Variants in KNDC1 observed in about 807,000 individuals in gnomAD.
KNDC1 encodes the protein kinase non-catalytic C-lobe domain containing 1, also known as kinase non-catalytic C-lobe domain-containing protein 1.
A neutral mutation model predicts 172.8 loss-of-function variants in KNDC1; 106 were observed. The ratio of observed to expected loss-of-function variants is 0.61; its 90% CI spans 0.52 to 0.72. The LOEUF is 0.72. Ranked by LOEUF, KNDC1 falls within the 30% of genes least tolerant of loss-of-function variation. KNDC1 has a pLI of 0.00. For missense variants in KNDC1, 2,325 were observed against 2,394.5 expected, an observed-to-expected ratio of 0.97 and a Z score of 0.61; for synonymous variants, 1,083 against 1,062.2, an observed-to-expected ratio of 1.02 and a Z score of -0.38.
chr10:133,188,182 C>T (rs1174259984), intron 6 of KNDC1, among the ~76,000 whole-genome samples: 1 of 152,212 alleles, frequency 6.6e-6, no homozygotes, highest in Non-Finnish European at 1.5e-5. Flanking sequence ...CTGCTGGGAA[C>T]ATGGGTGTGC....
At chr10:133,223,690 T>C (rs1230598509) in intron 29 of KNDC1, among the ~76,000 whole-genome samples, 1 of 103,676 alleles carries the variant, frequency 9.6e-6, no homozygotes, top group Non-Finnish European at 1.9e-5. Context: ...GGCATGTGTG[T>C]GTGTGAGAGC....
intron 23 of KNDC1, 111 bp from the exon 24 acceptor site, chr10:133,212,605 G>A: frequency 1.2e-6 from 1 of 856,888 alleles, no homozygotes; most frequent in Non-Finnish European, 1.8e-6. Flanking sequence ...AGTCTGAGGA[G>A]TACTGGGCTT....
chr10:133,216,303 T>C (rs4838673), intron 26 of KNDC1, among the ~76,000 whole-genome samples: 150,362 of 151,890 alleles, frequency 0.99, 74,433 homozygotes, highest in East Asian at 1. Flanking sequence ...GACAATGTCT[T>C]GGTGGCACCG....
In KNDC1 at chr10:133,189,122, A is replaced by C. The variant is rs369952851; in HGVS notation, c.1441+469A>C. Among the ~76,000 whole-genome samples the C allele has an allele frequency of 2.0e-5, 3 of 152,174 alleles. No individual in the cohort carries two copies. In the South Asian group the frequency reaches 6.2e-4, roughly 32 times the overall value. ...TGCCCCGTCAAAGCCTAGCCCTGCC[A>C]GACATCAGGGCAGACGGACGGTGCA... On this transcript the variant is annotated intron_variant, in intron 7 of 29. Coordinates refer to ENST00000304613, the MANE Select transcript of KNDC1 (RefSeq NM_152643.8).
chr10:133,200,284 AGACGTGTGGGCCTGTG>A, intron 15 of KNDC1, 75 bp from the exon 16 acceptor site: 1 of 950,616 alleles, frequency 1.1e-6, no homozygotes, highest in Non-Finnish European at 1.5e-6. Context: ...AGCTCCGCAT[AGACGTGTGGGCCTGTG>A]GGCCCCGCCC....
rs752122025 is a variant in KNDC1, at chr10:133,198,716, G to A, written c.2208G>A (p.Pro736=). 1.1e-5 allele frequency: 17 copies of A among 1,575,876 alleles called. No homozygotes were observed. The highest frequency in any genetic ancestry group is 3.5e-5 in the South Asian group (3 of 86,638). ...CGCCTGACGGGCCGGTGCCTGGTCC[G>A]GGGCCACAGGGAGCAGCCCCAGAGC... The part of the protein sequence containing the change: ...LKTPDGPVPG[P]GPQGAAPEPL... Residue 736 remains proline (P), a synonymous_variant, in exon 14 of 30, where the codon CCG becomes CCA. Transcript: ENST00000304613.
rs1853058975 is a variant in KNDC1 at position 133,163,864 on chromosome 10, G to A, written c.102+3295G>A. On this transcript the variant is annotated intron_variant, in intron 1 of 29. Coordinates refer to ENST00000304613, the MANE Select transcript of KNDC1 (RefSeq NM_152643.8). This position sits in a 1 kb window ranked among gnomAD's most constrained non-coding sequence, Gnocchi z 4.4. ...CCTGGAGAGCAGCCCAGTCCCGGGG[G>A]TTCATGTCCACCTGCCTTCCCAAAT... 6.6e-6 allele frequency among the ~76,000 whole-genome samples: 1 copy of A among 151,996 alleles called. No homozygotes were observed. Among genetic ancestry groups the A allele is most frequent in the Non-Finnish European group, 1.5e-5 (1 of 67,996 alleles).
intron 3 of KNDC1, among the ~76,000 whole-genome samples, chr10:133,176,221 G>A (rs756363547): frequency 6.6e-6 from 1 of 151,822 alleles, no homozygotes; most frequent in Non-Finnish European, 1.5e-5. Context: ...GTTGATAGAT[G>A]GGTGGATATG....
intron 7 of KNDC1, among the ~76,000 whole-genome samples, chr10:133,189,299 G>A (rs564025800): frequency 5.9e-5 from 9 of 152,156 alleles, no homozygotes; most frequent in East Asian, 1.9e-4. Context: ...CCTGTGACAC[G>A]GGGGCTTCAA....
chr10:133,186,007 C>G lies in KNDC1; in HGVS notation c.659C>G (p.Ala220Gly), dbSNP rs1240405134. The change falls in exon 6 of 30, where the codon GCC becomes GGC. Residue 220 changes from alanine (A) to glycine (G), a missense_variant. Ala to Gly is a moderately conservative substitution (Grantham distance 60). Transcript: ENST00000304613. ...VSESSWRERP[A>G]PGNAGPRRPP... ...GAGAGCAGCTGGCGGGAGAGACCTG[C>G]CCCAGGAAACGCTGGGCCCAGGAGG... The G allele has an allele frequency of 3.9e-6, 6 of 1,556,552 alleles. No individual in the cohort carries two copies. In the African/African-American group the frequency reaches 6.9e-5, roughly 18 times the overall value.
At position 133,178,354 on chromosome 10, in the gene KNDC1, G is replaced by A. The variant is rs577323112; in HGVS notation, c.361-4990G>A. Among the ~76,000 whole-genome samples, 6 of 152,262 alleles carry A rather than the reference G, an allele frequency of 3.9e-5. No individual in the cohort carries two copies. In the South Asian group the frequency reaches 1.0e-3, roughly 26 times the overall value. ...TGGATAGTGCTTTTTATTTTTTAAT[G>A]TTCATGACAAAACATTTTAAACATA... On this transcript the variant is annotated intron_variant, in intron 3 of 29. Coordinates refer to ENST00000304613, the MANE Select transcript of KNDC1 (RefSeq NM_152643.8).
rs1853250252 is a variant in KNDC1 at position 133,168,318 on chromosome 10, T to C, written c.360+6T>C. ...TGACCGGGAACACCTTTGAGGTAAG[T>C]GCAGGTGGGGGTAATGTGCCACACC... On this transcript the variant is annotated splice_donor_region_variant and intron_variant, in intron 3 of 29. Transcript: ENST00000304613. The C allele has an allele frequency of 3.1e-6, 5 of 1,613,776 alleles. No individual in the cohort carries two copies. The highest frequency in any genetic ancestry group is 1.3e-5 in the African/African-American group (1 of 74,940).
rs373740504 is a variant in KNDC1 at position 133,186,086 on chromosome 10, G to A, written c.738G>A (p.Pro246=). 282 of 1,599,824 alleles carry A rather than the reference G, an allele frequency of 1.8e-4. 5 individuals carry two copies. In the East Asian group the frequency reaches 5.2e-3, roughly 29 times the overall value. ...DPEVLPTPEG[P]ESETSRGPRA... ...AGGTTCTGCCGACCCCCGAAGGCCC[G>A]GAGTCTGAGACGAGCCGGGGCCCCA... The change falls in exon 6 of 30, where the codon CCG becomes CCA. Residue 246 remains proline (P), a synonymous_variant. Transcript: ENST00000304613.
intron 3 of KNDC1, among the ~76,000 whole-genome samples, chr10:133,177,149 CTG>C (rs1449186025): frequency 2.0e-5 from 3 of 148,258 alleles, no homozygotes; most frequent in East Asian, 2.1e-4. Flanking sequence ...AATTGTGTGT[CTG>C]TGTCTCTGTG....
At chr10:133,185,043 G>A (rs1176554130) in intron 5 of KNDC1, among the ~76,000 whole-genome samples, 3 of 152,282 alleles carry the variant, frequency 2.0e-5, no homozygotes, top group African/African-American at 7.2e-5. Context: ...GAGCCCCGTG[G>A]GGCCTCAGGA....
chr10:133,213,739 G>A lies in KNDC1; in HGVS notation c.4526+12G>A. On this transcript the variant is annotated intron_variant, in intron 25 of 29. Transcript: ENST00000304613. ...ACTGCCATCCCCAAGTGAGCGTCCG[G>A]GACCCTCAGCTGGGAGCGGTGGTGG... The A allele has an allele frequency of 1.2e-6, 2 of 1,613,184 alleles. No individual in the cohort carries two copies. Among genetic ancestry groups the A allele is most frequent in the South Asian group, 2.2e-5 (2 of 91,060 alleles).
At chr10:133,204,788 G>A (rs1006524460) in intron 17 of KNDC1, among the ~76,000 whole-genome samples, 5 of 152,212 alleles carry the variant, frequency 3.3e-5, no homozygotes, top group African/African-American at 1.2e-4. Context: ...AGGAAGCCTG[G>A]TGGACCGGCT....
intron 1 of KNDC1, 80 bp downstream of exon 1, chr10:133,160,649 G>C: frequency 1.0e-6 from 1 of 958,704 alleles, no homozygotes; most frequent in Non-Finnish European, 1.5e-6. Flanking sequence ...GACCCGGGAG[G>C]GGCTGTGAGC....
At chr10:133,176,541 G>T (rs996863862) in intron 3 of KNDC1, among the ~76,000 whole-genome samples, 5 of 152,192 alleles carry the variant, frequency 3.3e-5, no homozygotes, top group African/African-American at 9.6e-5. Flanking sequence ...CTGGATGCTC[G>T]GCCGGGTTTT....
Sources: gnomAD v4.1 joint callset for allele counts (sites outside exome capture counted in the v4.1 genomes callset) on GRCh38, gnomAD v4.1.1 for gene constraint, Gnocchi (gnomAD v3.1) non-coding constraint, MANE v1.5 for transcripts, NCBI Gene and HGNC (gene_info 2026-07-23, HGNC 2026-07-21) for gene names.